The following KCTD16 variants were observed in gnomAD, a reference collection of about 807,000 sequenced individuals.
KCTD16 encodes the protein BTB/POZ domain-containing protein KCTD16.
Under a neutral mutation model 33.2 loss-of-function variants are expected in KCTD16, and 13 were observed. The ratio of observed to expected loss-of-function variants is 0.39; its 90% CI spans 0.25 to 0.62. The LOEUF is 0.62. Ranked by LOEUF, KCTD16 falls within the 20% of genes least tolerant of loss-of-function variation. KCTD16 has a pLI of 0.50. For synonymous variants in KCTD16, 197 were observed against 195.3 expected, an observed-to-expected ratio of 1.01 and a Z score of -0.07; for missense variants, 441 against 525.1, an observed-to-expected ratio of 0.84 and a Z score of 1.57.
intron 3 of KCTD16, among the ~76,000 whole-genome samples, chr5:144,415,371 A>T (rs1247882795): frequency 6.6e-6 from 1 of 152,118 alleles, no homozygotes; most frequent in African/African-American, 2.4e-5. Flanking sequence ...CCATATTACC[A>T]TTAATGGAAC....
At position 144,214,321 on chromosome 5, in the gene KCTD16, C is replaced by T. The variant is rs138361485; in HGVS notation, c.832+6775C>T. Among the ~76,000 whole-genome samples, 38 of 152,156 alleles carry T rather than the reference C, an allele frequency of 2.5e-4. No homozygotes were observed. In the East Asian group the frequency reaches 6.8e-3, roughly 27 times the overall value. On this transcript the variant is annotated intron_variant, in intron 3 of 3. Coordinates refer to ENST00000512467, the MANE Select transcript of KCTD16 (RefSeq NM_020768.4). ...TTGCAAATGAGCTTAAATTGTTCTC[C>T]CCCTCCCGCATCCAGTATTTTCCCC...
intron 3 of KCTD16, among the ~76,000 whole-genome samples, chr5:144,291,550 CT>C (rs1167133772): frequency 6.6e-6 from 1 of 152,084 alleles, no homozygotes; most frequent in African/African-American, 2.4e-5. Flanking sequence ...TAATATTGTC[CT>C]TTATATATGG....
chr5:144,387,965 A>G (rs969630594), intron 3 of KCTD16, among the ~76,000 whole-genome samples: 1 of 149,606 alleles, frequency 6.7e-6, no homozygotes, highest in Non-Finnish European at 1.5e-5. Flanking sequence ...ATTTCTACTG[A>G]TTTCATTAAT....
intron 3 of KCTD16, among the ~76,000 whole-genome samples, chr5:144,343,189 C>T (rs546500726): frequency 6.6e-6 from 1 of 152,284 alleles, no homozygotes; most frequent in African/African-American, 2.4e-5. Flanking sequence ...TAGAATTCGG[C>T]TGTGAATCCA....
chr5:144,261,608 G>T (rs1022331056), intron 3 of KCTD16, among the ~76,000 whole-genome samples: 1 of 152,208 alleles, frequency 6.6e-6, no homozygotes, highest in South Asian at 2.1e-4. Flanking sequence ...TACCTAAATG[G>T]CTTATTCAAG....
At chr5:144,278,113 A>G (rs1755488448) in intron 3 of KCTD16, among the ~76,000 whole-genome samples, 1 of 152,142 alleles carries the variant, frequency 6.6e-6, no homozygotes, top group African/African-American at 2.4e-5. Flanking sequence ...AAGGTCTCAA[A>G]AATTTTCTCT....
intron 3 of KCTD16, among the ~76,000 whole-genome samples, chr5:144,409,950 A>G (rs1752896203): frequency 6.6e-6 from 1 of 152,236 alleles, no homozygotes; most frequent in Non-Finnish European, 1.5e-5. Context: ...GAGATGCCAT[A>G]GAGACTTCCT....
intron 3 of KCTD16, among the ~76,000 whole-genome samples, chr5:144,381,179 A>T (rs1176077722): frequency 6.6e-6 from 1 of 152,132 alleles, no homozygotes; most frequent in Non-Finnish European, 1.5e-5. Context: ...GAAGACATAC[A>T]AGCATATGAA....
At chr5:144,353,470 C>A (rs1751493266) in intron 3 of KCTD16, among the ~76,000 whole-genome samples, 1 of 152,166 alleles carries the variant, frequency 6.6e-6, no homozygotes, top group Non-Finnish European at 1.5e-5. Flanking sequence ...AATTTTTAAT[C>A]TTCAAGCCTC....
intron 3 of KCTD16, among the ~76,000 whole-genome samples, chr5:144,413,259 G>A (rs1018541374): frequency 2.0e-5 from 3 of 152,154 alleles, no homozygotes; most frequent in African/African-American, 7.2e-5. Flanking sequence ...CATGCACAGA[G>A]GAAACATCAT....
At chr5:144,199,463 A>C (rs956013495) in intron 2 of KCTD16, among the ~76,000 whole-genome samples, 1 of 152,216 alleles carries the variant, frequency 6.6e-6, no homozygotes, top group Admixed American at 6.5e-5. Flanking sequence ...TCTTGTTTTT[A>C]GGGCTATTCC....
intron 3 of KCTD16, among the ~76,000 whole-genome samples, chr5:144,369,182 G>A (rs532674649): frequency 2.2e-4 from 33 of 152,242 alleles, no homozygotes; most frequent in South Asian, 4.1e-4. Context: ...CAGTCAGCCC[G>A]TCACAGCCTG....
intron 2 of KCTD16, among the ~76,000 whole-genome samples, chr5:144,201,803 G>T (rs1170081714): frequency 1.3e-5 from 2 of 152,192 alleles, no homozygotes; most frequent in South Asian, 4.1e-4. Context: ...ATCCTTGGGA[G>T]CACATAACAC....
At chr5:144,446,173 AGTTG>A (rs1753813702) in intron 3 of KCTD16, among the ~76,000 whole-genome samples, 1 of 151,920 alleles carries the variant, frequency 6.6e-6, no homozygotes, top group Non-Finnish European at 1.5e-5. Context: ...TCTGTTAGTT[AGTTG>A]GTTGATTTTT....
Position 144,397,784 on chromosome 5 carries a change from A to G in KCTD16, c.833-75876A>G, listed in dbSNP as rs375862672. Among the ~76,000 whole-genome samples, 19 of 152,312 alleles carry G rather than the reference A, an allele frequency of 1.2e-4. No homozygotes were observed. The East Asian group carries it at 3.5e-3, about 28-fold the overall frequency. ...GAGGCATCACGCTACCTGACTTCAA[A>G]CTATACTACGAGGCTGAATTCACTT... On this transcript the variant is annotated intron_variant, in intron 3 of 3. Coordinates refer to ENST00000512467, the MANE Select transcript of KCTD16 (RefSeq NM_020768.4).
intron 3 of KCTD16, among the ~76,000 whole-genome samples, chr5:144,216,591 C>A (rs1561532468): frequency 6.6e-6 from 1 of 152,076 alleles, no homozygotes; most frequent in Non-Finnish European, 1.5e-5. Context: ...CACCTGTAAT[C>A]CCAGCACTTT....
intron 3 of KCTD16, among the ~76,000 whole-genome samples, chr5:144,282,108 G>A (rs546661526): frequency 6.6e-6 from 1 of 152,310 alleles, no homozygotes; most frequent in Non-Finnish European, 1.5e-5. Context: ...TCACCAGAAA[G>A]ACCAAGGCAA....
chr5:144,252,607 A>ATT lies in KCTD16; in HGVS notation c.832+45074_832+45075dup, dbSNP rs201286725. On this transcript the variant is annotated intron_variant, in intron 3 of 3. Transcript: ENST00000512467. ...TTGGCATCTGCAGTCTCACAGGTGA[A>ATT]TTTTTTTTTTTTTTCAGTAGGGGTT... Among the ~76,000 whole-genome samples the ATT allele has an allele frequency of 2.1e-5, 3 of 145,086 alleles. 1 individual carries two copies. The highest frequency in any genetic ancestry group is 7.5e-5 in the African/African-American group (3 of 39,822).
chr5:144,328,424 T>C (rs2126889195), intron 3 of KCTD16, among the ~76,000 whole-genome samples: 2 of 152,294 alleles, frequency 1.3e-5, no homozygotes, highest in South Asian at 4.2e-4. Flanking sequence ...TCTTTCGGAG[T>C]AGGCCTTCCC....
Sources: allele counts gnomAD v4.1 joint callset (sites outside exome capture counted in the v4.1 genomes callset), GRCh38; gene constraint gnomAD v4.1.1; transcripts MANE v1.5; gene names NCBI Gene and HGNC (gene_info 2026-07-23, HGNC 2026-07-21).